Variants in GABBR2 observed in about 807,000 individuals in gnomAD.
GABBR2 encodes the protein gamma-aminobutyric acid type B receptor subunit 2.
Under a neutral mutation model 105.6 loss-of-function variants are expected in GABBR2, and 23 were observed. That is an observed-to-expected ratio of 0.22 (90% CI 0.16 to 0.31). The LOEUF (loss-of-function observed/expected upper bound fraction) is 0.31. Among genes scored for constraint, GABBR2 ranks in the 10% least tolerant of loss-of-function variants. The pLI, the probability that GABBR2 is intolerant of heterozygous loss-of-function variation, is 1.00. For synonymous variants in GABBR2, 478 were observed against 499.7 expected (o/e 0.96, Z 0.58); for missense variants, 734 against 1,245.5 (o/e 0.59, Z 6.18).
chr9:98,382,442 T>C (rs1361811090), intron 11 of GABBR2, among the ~76,000 whole-genome samples: 1 of 152,092 alleles, frequency 6.6e-6, no homozygotes, highest in Non-Finnish European at 1.5e-5. Context: ...GCCTCCTGAG[T>C]AGCTGGGACT....
Position 98,655,685 on chromosome 9 carries a change from A to G in GABBR2, c.321+52732T>C, listed in dbSNP as rs561223420. On this transcript the variant is annotated intron_variant, in intron 1 of 18. Coordinates refer to ENST00000259455, the MANE Select transcript of GABBR2 (RefSeq NM_005458.8). ...AAAAGGATGAGTTCATGTCCTTTGC[A>G]GGGACATGGATGAAGCTGGAAACCA... Among the ~76,000 whole-genome samples the G allele has an allele frequency of 2.0e-5, 3 of 152,348 alleles. No homozygotes were observed. In the East Asian group the frequency reaches 5.8e-4, roughly 29 times the overall value.
rs988483264 is a variant in GABBR2 at position 98,326,531 on chromosome 9, T to C, written c.1894-15326A>G. On this transcript the variant is annotated intron_variant, in intron 13 of 18. Coordinates refer to ENST00000259455, the MANE Select transcript of GABBR2 (RefSeq NM_005458.8). ...ATGTGACTAAGTCTGGCCAATGGGCTGTGGGTGGAAGTGACATTTGACTCT... is the reference window on the plus strand; with the variant it reads ...ATGTGACTAAGTCTGGCCAATGGGCCGTGGGTGGAAGTGACATTTGACTCT... Among the ~76,000 whole-genome samples, 4 of 152,352 alleles carry C rather than the reference T, an allele frequency of 2.6e-5. No individual in the cohort carries two copies. The South Asian group carries it at 6.2e-4, about 24-fold the overall frequency.
intron 3 of GABBR2, among the ~76,000 whole-genome samples, chr9:98,519,042 T>C (rs1020445162): frequency 3.9e-5 from 6 of 152,224 alleles, no homozygotes; most frequent in African/African-American, 1.4e-4. Context: ...GTATTTACTC[T>C]GTAGAGTCTG....
chr9:98,694,723 T>C (rs1444165180), intron 1 of GABBR2, among the ~76,000 whole-genome samples: 1 of 152,240 alleles, frequency 6.6e-6, no homozygotes, highest in Non-Finnish European at 1.5e-5. Context: ...CCTTTCACAT[T>C]AATCTTATTT....
intron 1 of GABBR2, among the ~76,000 whole-genome samples, chr9:98,663,259 G>C (rs915560660): frequency 4.0e-5 from 6 of 151,132 alleles, no homozygotes; most frequent in African/African-American, 1.5e-4. Context: ...CAGGGGTGGG[G>C]TGGGGTGGGG....
intron 11 of GABBR2, among the ~76,000 whole-genome samples, chr9:98,373,041 T>C (rs957825006): frequency 6.6e-6 from 1 of 151,982 alleles, no homozygotes; most frequent in African/African-American, 2.4e-5. Context: ...TTAGAAAGAA[T>C]GTAGAATGGC....
intron 3 of GABBR2, among the ~76,000 whole-genome samples, chr9:98,539,171 G>A (rs1179042289): frequency 1.3e-5 from 2 of 152,160 alleles, no homozygotes; most frequent in Admixed American, 1.3e-4. Flanking sequence ...ATGCGCCCTG[G>A]GGCAAGAGAC....
chr9:98,511,143 A>G (rs1827633068), intron 3 of GABBR2, among the ~76,000 whole-genome samples: 1 of 152,136 alleles, frequency 6.6e-6, no homozygotes, highest in Non-Finnish European at 1.5e-5. Context: ...AACAACCTGC[A>G]CCTCAATGAC....
chr9:98,517,064 T>C (rs903945888), intron 3 of GABBR2, among the ~76,000 whole-genome samples: 1 of 152,210 alleles, frequency 6.6e-6, no homozygotes, highest in African/African-American at 2.4e-5. Context: ...CTGATGGAGA[T>C]ACTACGGTGC....
chr9:98,708,749 G>T lies in GABBR2; in HGVS notation c.-12C>A. The T allele has an allele frequency of 1.0e-6, 1 of 981,290 alleles. No homozygotes were observed. Among genetic ancestry groups the T allele is most frequent in the East Asian group, 1.1e-4 (1 of 8,726 alleles). 60.8% of individuals were successfully genotyped at this position (981,290 alleles called of 1,614,324 possible). On this transcript the variant is annotated 5_prime_UTR_variant, in exon 1 of 19. Coordinates refer to ENST00000259455, the MANE Select transcript of GABBR2 (RefSeq NM_005458.8). ...CGCGGGGAAGCCATGCCGCGCCGCG[G>T]GCTGCGGGCGCCGGCTCACTCGGCC...
intron 5 of GABBR2, 85 bp from the exon 6 acceptor site, chr9:98,473,431 C>A: frequency 1.2e-6 from 1 of 814,342 alleles, no homozygotes. Flanking sequence ...GGGAGGAAGG[C>A]TTCCTCTTCC....
At chr9:98,648,116 T>TGTGTGTGTGTGTGTGTAGATAG in intron 1 of GABBR2, among the ~76,000 whole-genome samples, 1 of 55,948 alleles carries the variant, frequency 1.8e-5, no homozygotes, top group Non-Finnish European at 3.4e-5. Flanking sequence ...TGTGTGTGTG[T>TGTGTGTGTGTGTGTGTAGATAG]ATAGATAGAT....
At chr9:98,342,145 T>C (rs1368547384) in intron 13 of GABBR2, among the ~76,000 whole-genome samples, 1 of 151,942 alleles carries the variant, frequency 6.6e-6, no homozygotes, top group African/African-American at 2.4e-5. Flanking sequence ...AGGACACAGG[T>C]GTCCATCCAG....
At chr9:98,338,239 A>C (rs575962690) in intron 13 of GABBR2, among the ~76,000 whole-genome samples, 2 of 152,338 alleles carry the variant, frequency 1.3e-5, no homozygotes, top group Non-Finnish European at 2.9e-5. Context: ...ATGACACCTA[A>C]AGCAGAAATA....
chr9:98,664,228 G>A (rs1240227724), intron 1 of GABBR2, among the ~76,000 whole-genome samples: 1 of 152,158 alleles, frequency 6.6e-6, no homozygotes, highest in Non-Finnish European at 1.5e-5. Context: ...AAACAGTACG[G>A]CATCCTGCTG....
chr9:98,571,207 T>A (rs1212965305), intron 2 of GABBR2, among the ~76,000 whole-genome samples: 1 of 152,202 alleles, frequency 6.6e-6, no homozygotes, highest in Non-Finnish European at 1.5e-5. Context: ...CAGCCTGTAC[T>A]GAGGCTGGCA....
intron 2 of GABBR2, among the ~76,000 whole-genome samples, chr9:98,564,291 C>G (rs1435212622): frequency 6.6e-6 from 1 of 152,210 alleles, no homozygotes; most frequent in East Asian, 1.9e-4. Flanking sequence ...GGAGACCTCA[C>G]CTTGTGGCCT....
chr9:98,645,438 G>A (rs1291674042), intron 1 of GABBR2, among the ~76,000 whole-genome samples: 1 of 152,112 alleles, frequency 6.6e-6, no homozygotes, highest in Non-Finnish European at 1.5e-5. Flanking sequence ...CTAGAAGAAG[G>A]GTGTCTAGTT....
In GABBR2 at chr9:98,549,168, G is replaced by A. The variant is rs1342829757; in HGVS notation, c.460-7125C>T. Among the ~76,000 whole-genome samples the A allele has an allele frequency of 6.6e-5, 8 of 121,462 alleles. 2 individuals are homozygous for A. The Admixed American group carries it at 7.1e-4, about 11-fold the overall frequency. 79.7% of individuals were successfully genotyped at this position (121,462 alleles called of 152,430 possible). Reference sequence around the variant, plus strand: ...ACCATGTTGGACAGGCTGGTCTTGCGCTCCTGACCTCAGGTGATCCACCTG... The same window carrying A: ...ACCATGTTGGACAGGCTGGTCTTGCACTCCTGACCTCAGGTGATCCACCTG... On this transcript the variant is annotated intron_variant, in intron 2 of 18. Transcript: ENST00000259455.
Sources: allele counts gnomAD v4.1 joint callset (sites outside exome capture counted in the v4.1 genomes callset), GRCh38; gene constraint gnomAD v4.1.1; transcripts MANE v1.5; gene names NCBI Gene and HGNC (gene_info 2026-07-23, HGNC 2026-07-21).